The following GABBR2 variants were observed in gnomAD, a reference collection of about 807,000 sequenced individuals.
GABBR2 encodes the protein gamma-aminobutyric acid type B receptor subunit 2.
GABBR2 carries 23 observed loss-of-function variants against 105.6 expected under a neutral mutation model. That is an observed-to-expected ratio of 0.22 (90% CI 0.16 to 0.31). The LOEUF is 0.31. Ranked by LOEUF, GABBR2 falls within the 10% of genes least tolerant of loss-of-function variation. The pLI is 1.00. For missense variants in GABBR2, 734 were observed against 1,245.5 expected (o/e 0.59, Z 6.18); for synonymous variants, 478 against 499.7 (o/e 0.96, Z 0.58).
chr9:98,419,291 C>G (rs1832741471), intron 7 of GABBR2, among the ~76,000 whole-genome samples: 1 of 152,096 alleles, frequency 6.6e-6, no homozygotes, highest in Non-Finnish European at 1.5e-5. Flanking sequence ...CTCTGGGATC[C>G]CCCAGTCACA....
At chr9:98,686,648 G>A (rs887421717) in intron 1 of GABBR2, among the ~76,000 whole-genome samples, 1 of 152,028 alleles carries the variant, frequency 6.6e-6, no homozygotes, top group Non-Finnish European at 1.5e-5. Context: ...CACCCATCTC[G>A]GCCTCCCAAA....
At chr9:98,676,566 A>G (rs1426733727) in intron 1 of GABBR2, among the ~76,000 whole-genome samples, 1 of 152,234 alleles carries the variant, frequency 6.6e-6, no homozygotes, top group Non-Finnish European at 1.5e-5. Context: ...CAGCTTTAGG[A>G]CAAGTTGCTT....
chr9:98,581,625 G>T (rs776550850), intron 1 of GABBR2, among the ~76,000 whole-genome samples: 1 of 151,826 alleles, frequency 6.6e-6, no homozygotes, highest in Non-Finnish European at 1.5e-5. Context: ...CCCCAACAGA[G>T]CACGAGCAGA....
intron 6 of GABBR2, among the ~76,000 whole-genome samples, chr9:98,462,216 A>C (rs1826436165): frequency 6.6e-6 from 1 of 152,212 alleles, no homozygotes; most frequent in Non-Finnish European, 1.5e-5. Context: ...TCATATGTTC[A>C]TTTCTTATTT....
intron 12 of GABBR2, among the ~76,000 whole-genome samples, chr9:98,368,388 G>A (rs1024672865): frequency 4.0e-5 from 6 of 151,736 alleles, no homozygotes; most frequent in Non-Finnish European, 8.8e-5. Context: ...TCTCAGATAA[G>A]CCTCCTCCCT....
chr9:98,501,969 T>A (rs1827409205), intron 3 of GABBR2, among the ~76,000 whole-genome samples: 1 of 151,974 alleles, frequency 6.6e-6, no homozygotes, highest in African/African-American at 2.4e-5. Flanking sequence ...ACAACCTCCC[T>A]CCCAGCTGGT....
intron 2 of GABBR2, among the ~76,000 whole-genome samples, chr9:98,550,304 A>C (rs1338941044): frequency 6.6e-6 from 1 of 152,248 alleles, no homozygotes; most frequent in Non-Finnish European, 1.5e-5. Flanking sequence ...CATGCCCAAG[A>C]AAGCATGAAA....
chr9:98,394,127 G>T, intron 9 of GABBR2, 48 bp downstream of exon 9: 1 of 1,328,148 alleles, frequency 7.5e-7, no homozygotes, highest in Non-Finnish European at 1.1e-6. Context: ...GTCCAGGCTT[G>T]GGAGCAACTG....
At chr9:98,433,131 A>G (rs988596533) in intron 7 of GABBR2, among the ~76,000 whole-genome samples, 1 of 152,232 alleles carries the variant, frequency 6.6e-6, no homozygotes, top group African/African-American at 2.4e-5. Flanking sequence ...GAATTACTAG[A>G]TTGGAGGATG....
In GABBR2 at chr9:98,311,055, A is replaced by T. The variant is rs73490796; in HGVS notation, c.2004+40T>A. The stretch of plus-strand genomic sequence containing the variant: ...CCTGGGAGACAGAGGCCCAACAAAG[A>T]AGTGTCCCCCCTCAACACTGTCTCC... On this transcript the variant is annotated intron_variant, in intron 14 of 18. Coordinates refer to ENST00000259455, the MANE Select transcript of GABBR2 (RefSeq NM_005458.8). The T allele has an allele frequency of 0.018, 19,715 of 1,098,616 alleles. 2,478 individuals are homozygous for T. The African/African-American group carries it at 0.27, about 15-fold the overall frequency. 68.1% of individuals were successfully genotyped at this position (1,098,616 alleles called of 1,614,324 possible).
rs554015133 is a variant in GABBR2, at chr9:98,475,956, C to T, written c.799-2610G>A. On this transcript the variant is annotated intron_variant, in intron 5 of 18. Coordinates refer to ENST00000259455, the MANE Select transcript of GABBR2 (RefSeq NM_005458.8). ...GCACATGCCTGTAATCCCAGCTACT[C>T]AGGAGGCTGAGGCAGGAGAATTGCT... Among the ~76,000 whole-genome samples the T allele has an allele frequency of 2.0e-3, 298 of 152,250 alleles. 2 individuals carry two copies. Among genetic ancestry groups the T allele is most frequent in the African/African-American group, 6.6e-3 (273 of 41,530 alleles).
intron 13 of GABBR2, among the ~76,000 whole-genome samples, chr9:98,338,270 A>G (rs1174040204): frequency 1.3e-5 from 2 of 152,196 alleles, no homozygotes; most frequent in South Asian, 2.1e-4. Context: ...AAATATATAA[A>G]TTGCACTTTA....
At chr9:98,468,162 A>G (rs928142729) in intron 6 of GABBR2, among the ~76,000 whole-genome samples, 16 of 152,164 alleles carry the variant, frequency 1.1e-4, no homozygotes, top group Non-Finnish European at 2.4e-4. Context: ...GTCCAATGGG[A>G]AAGGACTGAA....
rs143124593 is a variant in GABBR2 at position 98,598,583 on chromosome 9, GA to G, written c.322-20512del. 2.3e-4 allele frequency among the ~76,000 whole-genome samples: 26 copies of G among 114,176 alleles called. No homozygotes were observed. In the East Asian group the frequency reaches 2.6e-3, roughly 11 times the overall value. The allele number at this position is 114,176 out of a possible 152,430, so 74.9% of individuals were successfully genotyped here. The stretch of plus-strand genomic sequence containing the variant: ...TAAAACTTCACATAGGAAAGAAGAA[GA>G]AAAAAAAAATCCCCAAACGTGCGTA... On this transcript the variant is annotated intron_variant, in intron 1 of 18. Transcript: ENST00000259455.
chr9:98,584,503 T>C (rs1829043251), intron 1 of GABBR2, among the ~76,000 whole-genome samples: 1 of 152,150 alleles, frequency 6.6e-6, no homozygotes, highest in East Asian at 1.9e-4. Context: ...GAAATCACCA[T>C]TGGCACATAT....
At chr9:98,362,635 G>A in intron 13 of GABBR2, 80 bp downstream of exon 13, 2 of 1,201,326 alleles carry the variant, frequency 1.7e-6, no homozygotes, top group African/African-American at 1.5e-5. Context: ...TGGGCAGTCT[G>A]GGAGCTGTGC....
At chr9:98,494,295 A>T (rs1307569954) in intron 4 of GABBR2, among the ~76,000 whole-genome samples, 5 of 152,226 alleles carry the variant, frequency 3.3e-5, no homozygotes, top group Non-Finnish European at 7.3e-5. Context: ...GAAAGGGACA[A>T]GTGGGAGTTG....
chr9:98,384,577 T>A (rs545096150), intron 11 of GABBR2, among the ~76,000 whole-genome samples: 1 of 151,722 alleles, frequency 6.6e-6, no homozygotes, highest in Non-Finnish European at 1.5e-5. Context: ...GCAACAAGAG[T>A]GAAACTCTGT....
chr9:98,528,587 T>C (rs1200181135), intron 3 of GABBR2, among the ~76,000 whole-genome samples: 1 of 151,982 alleles, frequency 6.6e-6, no homozygotes, highest in Non-Finnish European at 1.5e-5. Context: ...CTGATACCCT[T>C]ACTTTATAAA....
Sources: allele counts gnomAD v4.1 joint callset (sites outside exome capture counted in the v4.1 genomes callset), GRCh38; gene constraint gnomAD v4.1.1; transcripts MANE v1.5; gene names NCBI Gene and HGNC (gene_info 2026-07-23, HGNC 2026-07-21).